The following KDM4C variants were observed in gnomAD, a reference collection of about 807,000 sequenced individuals.
The protein encoded by KDM4C is lysine demethylase 4C.
A neutral mutation model predicts 129.3 loss-of-function variants in KDM4C; 81 were observed. The observed-to-expected ratio is 0.63, with a 90% CI of 0.52 to 0.75. The LOEUF (loss-of-function observed/expected upper bound fraction) is 0.75. KDM4C is among the 30% of genes least tolerant of loss of function. The pLI is 0.00. For missense variants in KDM4C, 1,457 were observed against 1,304.0 expected, an observed-to-expected ratio of 1.12 and a Z score of -1.81; for synonymous variants, 573 against 456.1, an observed-to-expected ratio of 1.26 and a Z score of -3.26.
intron 1 of KDM4C, among the ~76,000 whole-genome samples, chr9:6,729,415 C>T (rs1345620921): frequency 7.8e-6 from 1 of 127,872 alleles, no homozygotes; most frequent in Non-Finnish European, 1.6e-5. Flanking sequence ...TTGGCACGCT[C>T]CTGTTGTCCC....
chr9:7,038,628 A>G (rs1273771917), intron 15 of KDM4C, among the ~76,000 whole-genome samples: 1 of 152,080 alleles, frequency 6.6e-6, no homozygotes, highest in Non-Finnish European at 1.5e-5. Context: ...AACAGAAATG[A>G]AATTATAGTC....
chr9:7,027,273 C>G (rs1238591936), intron 15 of KDM4C, among the ~76,000 whole-genome samples: 2 of 152,192 alleles, frequency 1.3e-5, no homozygotes, highest in African/African-American at 2.4e-5. Context: ...GCATTGTGAT[C>G]TAAGCTGTAT....
intron 1 of KDM4C, among the ~76,000 whole-genome samples, chr9:6,779,158 A>G (rs1031906311): frequency 1.3e-5 from 2 of 151,338 alleles, no homozygotes; most frequent in Non-Finnish European, 2.9e-5. Context: ...CCTCCCGAGT[A>G]GCTGGGACTA....
In KDM4C at chr9:6,849,719, A is replaced by G. The variant is rs780982570; in HGVS notation, c.629+19A>G. On this transcript the variant is annotated intron_variant, in intron 5 of 21. Coordinates refer to ENST00000381309, the MANE Select transcript of KDM4C (RefSeq NM_015061.6). ...AGTCTTGGCAAGTTACTTGTTTAAT[A>G]TTCATTTACTTTGGAGTTTTGAAAT... 3.9e-6 allele frequency: 6 copies of G among 1,531,252 alleles called. No individual in the cohort carries two copies. In the South Asian group the frequency reaches 6.4e-5, roughly 16 times the overall value. The allele number at this position is 1,531,252 out of a possible 1,614,324, so 94.9% of individuals were successfully genotyped here.
At chr9:7,005,693 GATC>G (rs147825484) in intron 12 of KDM4C, among the ~76,000 whole-genome samples, 66 of 152,232 alleles carry the variant, frequency 4.3e-4, no homozygotes, top group African/African-American at 1.6e-3. Flanking sequence ...AGAGGGGAAG[GATC>G]ATCATGTCCT....
chr9:6,807,202 C>T (rs1048664520), intron 3 of KDM4C, among the ~76,000 whole-genome samples: 17 of 152,204 alleles, frequency 1.1e-4, no homozygotes, highest in Non-Finnish European at 5.9e-5. Context: ...CAATGGTGCC[C>T]AGGCTGGAGT....
chr9:6,891,159 G>A (rs73405239), intron 7 of KDM4C, among the ~76,000 whole-genome samples: 7,704 of 152,222 alleles, frequency 0.051, 640 homozygotes, highest in African/African-American at 0.17. Flanking sequence ...GGATGGTCTA[G>A]GTTAGGGATG....
chr9:7,085,793 G>C (rs1354141177), intron 17 of KDM4C, among the ~76,000 whole-genome samples: 1 of 151,968 alleles, frequency 6.6e-6, no homozygotes, highest in Non-Finnish European at 1.5e-5. Context: ...TGAAGTGAAT[G>C]GAGCATGCAG....
chr9:6,989,007 T>G (rs1818252728), intron 11 of KDM4C, among the ~76,000 whole-genome samples: 2 of 152,224 alleles, frequency 1.3e-5, no homozygotes, highest in African/African-American at 4.8e-5. Context: ...TAATCTACAC[T>G]TCTTGAGAGC....
intron 19 of KDM4C, among the ~76,000 whole-genome samples, chr9:7,157,789 C>T (rs1431114947): frequency 6.6e-6 from 1 of 152,172 alleles, no homozygotes; most frequent in Admixed American, 6.5e-5. Flanking sequence ...CATCAGTGCT[C>T]ATCAGGGATA....
chr9:7,005,416 C>G (rs962939204), intron 12 of KDM4C, among the ~76,000 whole-genome samples: 3 of 79,112 alleles, frequency 3.8e-5, no homozygotes, highest in South Asian at 9.2e-4. Context: ...GCCTGGGCAA[C>G]AAAAGTGAAA....
intron 8 of KDM4C, among the ~76,000 whole-genome samples, chr9:6,905,619 A>C (rs1398587555): frequency 6.6e-6 from 1 of 152,228 alleles, no homozygotes; most frequent in Non-Finnish European, 1.5e-5. Context: ...AGACTTCGTA[A>C]CAGATAACTG....
intron 1 of KDM4C, chr9:6,748,836 C>G: frequency 1.7e-6 from 2 of 1,162,658 alleles, no homozygotes; most frequent in South Asian, 1.2e-5. Flanking sequence ...CTCATCAAAA[C>G]CAATGATACA....
intron 12 of KDM4C, among the ~76,000 whole-genome samples, chr9:6,995,038 A>T (rs1483565706): frequency 1.4e-5 from 2 of 144,050 alleles, no homozygotes; most frequent in African/African-American, 5.2e-5. Flanking sequence ...TGTACAGGCT[A>T]CGGTGGTCCT....
chr9:7,000,940 G>T (rs1297635530), intron 12 of KDM4C, among the ~76,000 whole-genome samples: 1 of 152,104 alleles, frequency 6.6e-6, no homozygotes, highest in East Asian at 1.9e-4. Context: ...CATATTCTTT[G>T]TTTTGCCGCT....
intron 16 of KDM4C, among the ~76,000 whole-genome samples, chr9:7,048,427 A>C (rs1012238853): frequency 1.3e-5 from 2 of 151,978 alleles, no homozygotes; most frequent in Non-Finnish European, 2.9e-5. Flanking sequence ...ATGATTCTTT[A>C]TATTTATTTT....
At chr9:7,095,418 T>C (rs1449874091) in intron 17 of KDM4C, among the ~76,000 whole-genome samples, 1 of 152,230 alleles carries the variant, frequency 6.6e-6, no homozygotes, top group African/African-American at 2.4e-5. Flanking sequence ...CCTTTAGGCC[T>C]TCAGGCCCAA....
At chr9:6,775,819 C>T (rs886916524) in intron 1 of KDM4C, among the ~76,000 whole-genome samples, 38 of 152,140 alleles carry the variant, frequency 2.5e-4, no homozygotes, top group African/African-American at 8.9e-4. Flanking sequence ...CTGCGCCCAG[C>T]GACAAATGGT....
intron 18 of KDM4C, among the ~76,000 whole-genome samples, chr9:7,106,019 T>A (rs1837644078): frequency 1.3e-5 from 2 of 152,160 alleles, no homozygotes; most frequent in South Asian, 4.1e-4. Context: ...AATTTTAGTG[T>A]TCTTAAATTG....
Sources: allele counts gnomAD v4.1 joint callset (sites outside exome capture counted in the v4.1 genomes callset), GRCh38; gene constraint gnomAD v4.1.1; transcripts MANE v1.5; gene names NCBI Gene and HGNC (gene_info 2026-07-23, HGNC 2026-07-21).